The following SPATS2L variants were observed in gnomAD, a reference collection of about 807,000 sequenced individuals.
SPATS2L encodes spermatogenesis associated serine rich 2 like.
SPATS2L carries 30 observed loss-of-function variants against 59.6 expected under a neutral mutation model. The observed-to-expected ratio is 0.50, with a 90% CI of 0.38 to 0.68. The LOEUF (loss-of-function observed/expected upper bound fraction) is 0.68. SPATS2L is among the 30% of genes least tolerant of loss of function. The probability of loss-of-function intolerance (pLI) is 0.00; values close to 1 mark genes in which losing one functional copy is unlikely to be tolerated. For synonymous variants in SPATS2L, 252 were observed against 263.5 expected (o/e 0.96, Z 0.42); for missense variants, 615 against 700.0 (o/e 0.88, Z 1.37).
chr2:200,445,402 A>G (rs1321371707), intron 8 of SPATS2L, among the ~76,000 whole-genome samples: 6 of 152,212 alleles, frequency 3.9e-5, no homozygotes, highest in African/African-American at 1.4e-4. Flanking sequence ...CATCCCTCAA[A>G]TCCTTCTCAT....
chr2:200,337,889 G>T (rs986824730), intron 2 of SPATS2L, among the ~76,000 whole-genome samples: 13 of 152,272 alleles, frequency 8.5e-5, no homozygotes, highest in African/African-American at 3.1e-4. Flanking sequence ...TATTTCCTGT[G>T]CTGTGTCCAC....
chr2:200,408,517 T>C (rs1052238270), intron 3 of SPATS2L, among the ~76,000 whole-genome samples: 1 of 152,196 alleles, frequency 6.6e-6, no homozygotes, highest in South Asian at 2.1e-4. Context: ...TTGAAAACTT[T>C]GGTCAGAGCC....
At chr2:200,357,818 A>G (rs192293313) in intron 2 of SPATS2L, among the ~76,000 whole-genome samples, 189 of 152,316 alleles carry the variant, frequency 1.2e-3, no homozygotes, top group African/African-American at 4.2e-3. Flanking sequence ...TTTGAGCATC[A>G]GTATATGTAC....
At chr2:200,332,824 T>C in intron 2 of SPATS2L, among the ~76,000 whole-genome samples, 1 of 151,258 alleles carries the variant, frequency 6.6e-6, no homozygotes, top group East Asian at 1.9e-4. Context: ...TCTAGAGAAA[T>C]ATATATTATA....
chr2:200,389,110 A>G, intron 2 of SPATS2L, 113 bp from the exon 3 acceptor site: 1 of 654,650 alleles, frequency 1.5e-6, no homozygotes, highest in Non-Finnish European at 2.6e-6. Context: ...ACATTCTAAA[A>G]TGATATTTAT....
At chr2:200,337,106 T>C (rs1159117616) in intron 2 of SPATS2L, among the ~76,000 whole-genome samples, 2 of 152,202 alleles carry the variant, frequency 1.3e-5, no homozygotes, top group Non-Finnish European at 2.9e-5. Context: ...ACCCAGTGCC[T>C]CACACTGTTT....
chr2:200,322,639 C>T (rs764526748), intron 1 of SPATS2L, among the ~76,000 whole-genome samples: 12 of 152,180 alleles, frequency 7.9e-5, no homozygotes, highest in Admixed American at 2.0e-4. Flanking sequence ...ACAGTGTGTA[C>T]TGTGGCAGCC....
intron 2 of SPATS2L, among the ~76,000 whole-genome samples, chr2:200,330,875 G>A (rs1447538617): frequency 6.6e-6 from 1 of 152,184 alleles, no homozygotes; most frequent in Non-Finnish European, 1.5e-5. Flanking sequence ...ATCATGTGTT[G>A]GAACGCTACT....
chr2:200,420,376 A>G (rs1027732376), intron 6 of SPATS2L, among the ~76,000 whole-genome samples: 4 of 152,252 alleles, frequency 2.6e-5, no homozygotes, highest in African/African-American at 9.6e-5. Context: ...AAACTAAAAT[A>G]GAAGGCTCAA....
intron 1 of SPATS2L, among the ~76,000 whole-genome samples, chr2:200,314,191 A>G (rs1559031731): frequency 6.6e-6 from 1 of 152,182 alleles, no homozygotes. Flanking sequence ...CCCAACTTCA[A>G]TCCAGCATAC....
chr2:200,344,644 A>T (rs1244704086), intron 2 of SPATS2L, among the ~76,000 whole-genome samples: 3 of 152,184 alleles, frequency 2.0e-5, no homozygotes. Context: ...AGGAATTGTC[A>T]CACTGCTTTC....
intron 2 of SPATS2L, among the ~76,000 whole-genome samples, chr2:200,364,128 T>C (rs1454741021): frequency 6.6e-6 from 1 of 152,114 alleles, no homozygotes; most frequent in African/African-American, 2.4e-5. Flanking sequence ...AGAAGGTGGG[T>C]GGCCTCTAGA....
At chr2:200,457,224 ACACAC>A (rs1415988330) in intron 8 of SPATS2L, among the ~76,000 whole-genome samples, 273 of 1,228 alleles carry the variant, frequency 0.22, 1 homozygote, top group Non-Finnish European at 0.33. Flanking sequence ...AAACATACAT[ACACAC>A]ACACACACAC....
In SPATS2L at chr2:200,472,922, A is replaced by C; in HGVS notation, c.1151A>C (p.Gln384Pro). ...GCGCACGCAGCAACCTCTGGGAAACAGAGTAACTTTTCCCGAAAATCATCC... is the reference window on the plus strand; with the variant it reads ...GCGCACGCAGCAACCTCTGGGAAACCGAGTAACTTTTCCCGAAAATCATCC... ...LNAHAATSGK[Q>P]SNFSRKSSTH... is the part of the protein sequence containing the mutation. Residue 384 changes from glutamine to proline, a missense_variant, in exon 12 of 13, where the codon CAG becomes CCG. By Grantham distance (76) the Gln-to-Pro change is moderately conservative (BLOSUM62 -1). Around this residue, in one of 3 missense-constraint regions of SPATS2L, gnomAD observed 284 missense variants for 280.1 expected, o/e 1.01. Transcript: ENST00000409140. 1 of 1,613,890 alleles carries C rather than the reference A, an allele frequency of 6.2e-7. No homozygotes were observed. Among genetic ancestry groups the C allele is most frequent in the African/African-American group, 1.3e-5 (1 of 74,988 alleles).
chr2:200,424,919 G>C (rs548703624), intron 6 of SPATS2L, among the ~76,000 whole-genome samples: 1 of 152,292 alleles, frequency 6.6e-6, no homozygotes, highest in Admixed American at 6.5e-5. Context: ...GGAACAGAAG[G>C]CTCCATGCCA....
At chr2:200,365,509 G>C (rs1161431042) in intron 2 of SPATS2L, among the ~76,000 whole-genome samples, 2 of 152,182 alleles carry the variant, frequency 1.3e-5, no homozygotes, top group Non-Finnish European at 2.9e-5. Flanking sequence ...CTCTGTCTGT[G>C]AACTCAGAGA....
chr2:200,351,852 C>CT (rs1374692577), intron 2 of SPATS2L, among the ~76,000 whole-genome samples: 6 of 152,130 alleles, frequency 3.9e-5, no homozygotes, highest in Admixed American at 3.9e-4. Flanking sequence ...TGACACGGCT[C>CT]TTTAAGAGGG....
chr2:200,369,656 AT>A (rs768757638), intron 2 of SPATS2L, among the ~76,000 whole-genome samples: 15 of 152,102 alleles, frequency 9.9e-5, no homozygotes, highest in Non-Finnish European at 1.9e-4. Context: ...ATATAAAAAA[AT>A]CCTAAAAACA....
At chr2:200,311,449 G>A (rs746888781) in intron 1 of SPATS2L, among the ~76,000 whole-genome samples, 12 of 152,024 alleles carry the variant, frequency 7.9e-5, no homozygotes, top group Non-Finnish European at 1.5e-4. Flanking sequence ...CCCCAGTACT[G>A]AGCAAAAAAA....
Sources: allele counts gnomAD v4.1 joint callset (sites outside exome capture counted in the v4.1 genomes callset), GRCh38; gene constraint gnomAD v4.1.1; regional missense constraint gnomAD v4.1.1; transcripts MANE v1.5; gene names NCBI Gene and HGNC (gene_info 2026-07-23, HGNC 2026-07-21).